Variants in CNTNAP2 observed in about 807,000 individuals in gnomAD.
The protein encoded by CNTNAP2 is contactin-associated protein-like 2.
A neutral mutation model predicts 155.2 loss-of-function variants in CNTNAP2; 98 were observed. The ratio of observed to expected loss-of-function variants is 0.63; its 90% CI spans 0.54 to 0.75. The LOEUF (loss-of-function observed/expected upper bound fraction) is 0.75. CNTNAP2 is among the 30% of genes least tolerant of loss of function. CNTNAP2 has a pLI of 0.00. For synonymous variants in CNTNAP2, 651 were observed against 631.2 expected, an observed-to-expected ratio of 1.03 and a Z score of -0.47; for missense variants, 1,727 against 1,688.1, an observed-to-expected ratio of 1.02 and a Z score of -0.40.
At chr7:147,789,479 C>T (rs909881060) in intron 13 of CNTNAP2, among the ~76,000 whole-genome samples, 9 of 152,226 alleles carry the variant, frequency 5.9e-5, no homozygotes, top group Admixed American at 3.3e-4. Flanking sequence ...TTACCCATGA[C>T]TCCTCTGCTT....
chr7:147,420,337 C>T (rs1797269131), intron 10 of CNTNAP2, among the ~76,000 whole-genome samples: 1 of 152,112 alleles, frequency 6.6e-6, no homozygotes, highest in Non-Finnish European at 1.5e-5. Flanking sequence ...CAAAAAAGTA[C>T]ATCTTGAGTA....
At chr7:147,602,795 C>T (rs1401503844) in intron 12 of CNTNAP2, among the ~76,000 whole-genome samples, 1 of 151,962 alleles carries the variant, frequency 6.6e-6, no homozygotes, top group Non-Finnish European at 1.5e-5. Flanking sequence ...CAATTTCATC[C>T]ATGCCCCTAC....
chr7:147,869,054 G>A (rs113971072), intron 13 of CNTNAP2, among the ~76,000 whole-genome samples: 2 of 152,134 alleles, frequency 1.3e-5, no homozygotes, highest in African/African-American at 2.4e-5. Flanking sequence ...CTTCTGCATC[G>A]ATCACACTGG....
chr7:147,187,490 G>T (rs1194618995), intron 8 of CNTNAP2, among the ~76,000 whole-genome samples: 1 of 152,108 alleles, frequency 6.6e-6, no homozygotes, highest in African/African-American at 2.4e-5. Context: ...AGGCCATTAT[G>T]CTAAGTGAAC....
chr7:147,263,240 C>T (rs1286783654), intron 8 of CNTNAP2, among the ~76,000 whole-genome samples: 3 of 152,044 alleles, frequency 2.0e-5, no homozygotes, highest in Admixed American at 6.6e-5. Context: ...CCTGTGGTCC[C>T]AGCTACTCTA....
intron 3 of CNTNAP2, among the ~76,000 whole-genome samples, chr7:147,025,012 C>T (rs1024781059): frequency 5.9e-5 from 9 of 151,686 alleles, no homozygotes; most frequent in East Asian, 4.0e-4. Flanking sequence ...GGCTGGGCGC[C>T]GTGGCTCAAG....
chr7:147,829,343 T>A (rs1039676206), intron 13 of CNTNAP2, among the ~76,000 whole-genome samples: 5 of 152,174 alleles, frequency 3.3e-5, no homozygotes, highest in Admixed American at 2.0e-4. Context: ...AGTAGACAAC[T>A]GAGTTACCGG....
intron 1 of CNTNAP2, among the ~76,000 whole-genome samples, chr7:146,610,121 A>T (rs1461113271): frequency 6.6e-6 from 1 of 152,204 alleles, no homozygotes; most frequent in African/African-American, 2.4e-5. Context: ...AAAATTGAGA[A>T]AGCTTGAGAA....
intron 1 of CNTNAP2, among the ~76,000 whole-genome samples, chr7:146,423,933 C>CT (rs1796050372): frequency 6.6e-6 from 1 of 152,080 alleles, no homozygotes; most frequent in African/African-American, 2.4e-5. Flanking sequence ...TGTCTCTGAG[C>CT]TTTTTGTCAT....
At chr7:147,330,302 C>G (rs1261382090) in intron 9 of CNTNAP2, among the ~76,000 whole-genome samples, 1 of 152,108 alleles carries the variant, frequency 6.6e-6, no homozygotes, top group African/African-American at 2.4e-5. Context: ...TGCAACTACT[C>G]CCCCGGTGCC....
chr7:147,882,930 T>C (rs574696903), intron 13 of CNTNAP2, among the ~76,000 whole-genome samples: 6 of 152,348 alleles, frequency 3.9e-5, no homozygotes, highest in African/African-American at 7.2e-5. Context: ...TTTGTGTGTA[T>C]GTGTGTTTAT....
chr7:146,820,937 T>C (rs1408272023), intron 2 of CNTNAP2, among the ~76,000 whole-genome samples: 1 of 152,166 alleles, frequency 6.6e-6, no homozygotes, highest in Non-Finnish European at 1.5e-5. Context: ...TTTGTCTCTT[T>C]TGATCTTTGT....
intron 1 of CNTNAP2, among the ~76,000 whole-genome samples, chr7:146,270,289 T>C (rs574565274): frequency 1.3e-4 from 20 of 152,314 alleles, no homozygotes; most frequent in African/African-American, 4.8e-4. Context: ...TTCTTGTCCG[T>C]AAGCACTTAG....
At chr7:147,593,047 T>C (rs1028642194) in intron 12 of CNTNAP2, among the ~76,000 whole-genome samples, 1 of 152,118 alleles carries the variant, frequency 6.6e-6, no homozygotes, top group Admixed American at 6.6e-5. Context: ...CCGAATATCA[T>C]TACCTAAATA....
At chr7:146,716,113 T>C (rs537402388) in intron 1 of CNTNAP2, among the ~76,000 whole-genome samples, 5 of 151,372 alleles carry the variant, frequency 3.3e-5, no homozygotes, top group Non-Finnish European at 5.9e-5. Flanking sequence ...ACTGGATACC[T>C]GAAGTATGGA....
At chr7:146,643,181 A>AT (rs1440077170) in intron 1 of CNTNAP2, among the ~76,000 whole-genome samples, 53 of 147,710 alleles carry the variant, frequency 3.6e-4, no homozygotes, top group African/African-American at 1.3e-3. Context: ...CCATTTGTCA[A>AT]TTTTGGCTTT....
At chr7:147,530,964 C>T (rs551124425) in intron 11 of CNTNAP2, among the ~76,000 whole-genome samples, 29 of 152,116 alleles carry the variant, frequency 1.9e-4, no homozygotes, top group African/African-American at 5.3e-4. Context: ...AGAAATTGGC[C>T]GAAACAAAGG....
chr7:148,168,766 T>C (rs924947223), intron 17 of CNTNAP2, among the ~76,000 whole-genome samples: 2 of 152,226 alleles, frequency 1.3e-5, no homozygotes, highest in Admixed American at 6.5e-5. Context: ...CAGAGTCTTT[T>C]CAAACTCTCA....
chr7:147,334,289 C>T (rs189232505), intron 9 of CNTNAP2, among the ~76,000 whole-genome samples: 1 of 152,276 alleles, frequency 6.6e-6, no homozygotes, highest in East Asian at 1.9e-4. Flanking sequence ...CCAAATAAAA[C>T]CCCAATCATC....
Sources: gnomAD v4.1 joint callset for allele counts (sites outside exome capture counted in the v4.1 genomes callset) on GRCh38, gnomAD v4.1.1 for gene constraint, MANE v1.5 for transcripts, NCBI Gene and HGNC (gene_info 2026-07-23, HGNC 2026-07-21) for gene names.